The following LRPPRC variants were observed in gnomAD, a reference collection of about 807,000 sequenced individuals.
The protein encoded by LRPPRC is leucine-rich PPR motif-containing protein, mitochondrial.
A neutral mutation model predicts 180.3 loss-of-function variants in LRPPRC; 120 were observed. The ratio of observed to expected loss-of-function variants is 0.67; its 90% CI spans 0.57 to 0.77. The LOEUF (loss-of-function observed/expected upper bound fraction) is 0.77, where lower values mean the gene tolerates loss of function less well. LRPPRC is among the 30% of genes least tolerant of loss of function. The pLI is 0.00. For missense variants in LRPPRC, 2,012 were observed against 1,657.2 expected (o/e 1.21, Z -3.72); for synonymous variants, 723 against 600.0 (o/e 1.21, Z -3.00).
Position 43,918,449 on chromosome 2 carries a change from T to A in LRPPRC, c.2897-51A>T, listed in dbSNP as rs754891949. 97 of 1,251,246 alleles carry A rather than the reference T, an allele frequency of 7.8e-5. No homozygotes were observed. The Middle Eastern group carries it at 1.7e-3, about 21-fold the overall frequency. 77.5% of individuals were successfully genotyped at this position (1,251,246 alleles called of 1,614,324 possible). A position where few individuals can be genotyped will look rare whatever the true frequency, so the allele number is the denominator to read the frequency against. On this transcript the variant is annotated intron_variant, in intron 27 of 37. Coordinates refer to ENST00000260665, the MANE Select transcript of LRPPRC (RefSeq NM_133259.4). ...TAATCAATAAATATGCTAAACAGAA[T>A]ACACAAAAATATTTAGAACTTTTTC...
intron 12 of LRPPRC, among the ~76,000 whole-genome samples, chr2:43,961,343 GAAGT>G (rs1430040526): frequency 6.6e-6 from 1 of 152,134 alleles, no homozygotes; most frequent in Non-Finnish European, 1.5e-5. Flanking sequence ...AAGGCAAAAA[GAAGT>G]AAGTTTTTAA....
intron 11 of LRPPRC, among the ~76,000 whole-genome samples, chr2:43,964,511 C>T (rs967835088): frequency 2.6e-5 from 4 of 152,130 alleles, no homozygotes; most frequent in Non-Finnish European, 5.9e-5. Context: ...AAAACTCCCC[C>T]TAAAAGTCCC....
chr2:43,959,519 CAT>C (rs1300956514), intron 13 of LRPPRC, among the ~76,000 whole-genome samples: 1 of 152,156 alleles, frequency 6.6e-6, no homozygotes, highest in South Asian at 2.1e-4. Context: ...TTGTAAATGA[CAT>C]ATTTTTCAGA....
chr2:43,947,907 C>G (rs1001063774), intron 18 of LRPPRC, 132 bp from the exon 19 acceptor site: 16 of 697,062 alleles, frequency 2.3e-5, no homozygotes, highest in Non-Finnish European at 3.1e-5. Context: ...TAGACATTCT[C>G]TTCATACTTT....
chr2:43,982,450 T>C lies in LRPPRC; in HGVS notation c.150-16A>G. 3.2e-6 allele frequency: 5 copies of C among 1,571,332 alleles called. No homozygotes were observed. The highest frequency in any genetic ancestry group is 4.4e-6 in the Non-Finnish European group (5 of 1,141,396). Reference sequence around the variant, plus strand: ...CAGTAGTCCTCTAAAAAATGAAACATAATTAATAATAATCAGTTGCTATCT... The same window carrying C: ...CAGTAGTCCTCTAAAAAATGAAACACAATTAATAATAATCAGTTGCTATCT... On this transcript the variant is annotated splice_polypyrimidine_tract_variant and intron_variant, in intron 1 of 37. Transcript: ENST00000260665.
intron 27 of LRPPRC, among the ~76,000 whole-genome samples, chr2:43,918,816 T>TAG (rs1558938505): frequency 2.1e-5 from 3 of 142,614 alleles, no homozygotes; most frequent in African/African-American, 8.2e-5. Flanking sequence ...TATAGATATA[T>TAG]ATATATCTAT....
chr2:43,996,149 G>T (rs889393218), upstream of LRPPRC: 3 of 542,668 alleles, frequency 5.5e-6, no homozygotes, highest in East Asian at 1.0e-4. Context: ...CATAAACGAT[G>T]TTGCTTGATT....
At chr2:43,923,298 G>A (rs182887261) in intron 27 of LRPPRC, among the ~76,000 whole-genome samples, 2 of 151,414 alleles carry the variant, frequency 1.3e-5, no homozygotes, top group East Asian at 3.9e-4. Flanking sequence ...GGGCAACATA[G>A]TGGGACCCCG....
At chr2:43,989,803 G>C (rs910240002) in intron 1 of LRPPRC, among the ~76,000 whole-genome samples, 3 of 152,224 alleles carry the variant, frequency 2.0e-5, no homozygotes, top group African/African-American at 7.2e-5. Flanking sequence ...ATCTGGAGTT[G>C]AATCTCAACT....
intron 36 of LRPPRC, among the ~76,000 whole-genome samples, chr2:43,894,172 C>G (rs1670598351): frequency 6.6e-6 from 1 of 151,986 alleles, no homozygotes; most frequent in Non-Finnish European, 1.5e-5. Flanking sequence ...AAGTGAGTCT[C>G]AAATGTGTAC....
At chr2:43,900,834 G>A (rs1353005407) in intron 32 of LRPPRC, among the ~76,000 whole-genome samples, 1 of 152,110 alleles carries the variant, frequency 6.6e-6, no homozygotes, top group Non-Finnish European at 1.5e-5. Context: ...GGAATCTAGA[G>A]ACAGTGGTAA....
At chr2:43,993,815 C>T (rs1024410953) in intron 1 of LRPPRC, among the ~76,000 whole-genome samples, 2 of 151,264 alleles carry the variant, frequency 1.3e-5, no homozygotes, top group South Asian at 4.2e-4. Context: ...ACAGTGGGAC[C>T]GGCATGTTTT....
chr2:43,988,756 G>T (rs1371747200), intron 1 of LRPPRC, among the ~76,000 whole-genome samples: 1 of 151,954 alleles, frequency 6.6e-6, no homozygotes, highest in African/African-American at 2.4e-5. Context: ...TGTTAGCCAG[G>T]ATGGTCTCGA....
Position 43,982,368 on chromosome 2 carries a change from G to A in LRPPRC, c.216C>T (p.Ser72=), listed in dbSNP as rs770151488. The change falls in exon 2 of 38, where the codon TCC becomes TCT. Residue 72 remains serine (S), a synonymous_variant. Transcript: ENST00000260665. The stretch of plus-strand genomic sequence containing the variant: ...TGGAAATCTTCCTAGAAGAAAAAGT[G>A]GACTCCTCTTGAATATCTTTTTCTT... ...AAKEKDIQEE[S]TFSSRKISNQ... 8 of 1,613,782 alleles carry A rather than the reference G, an allele frequency of 5.0e-6. No homozygotes were observed. In the South Asian group the frequency reaches 7.7e-5, roughly 16 times the overall value.
rs114527071 is a variant in LRPPRC, at chr2:43,926,234, C to T, written c.2737-273G>A. On this transcript the variant is annotated intron_variant, in intron 25 of 37. Coordinates refer to ENST00000260665, the MANE Select transcript of LRPPRC (RefSeq NM_133259.4). ...CTATGCTTAACCTCTGCCTAGAAGACGCCGATAATTTCCAAATGCTGCACT... is the reference window on the plus strand; with the variant it reads ...CTATGCTTAACCTCTGCCTAGAAGATGCCGATAATTTCCAAATGCTGCACT... 8.0e-3 allele frequency among the ~76,000 whole-genome samples: 1,214 copies of T among 152,158 alleles called. 6 individuals carry two copies. The highest frequency in any genetic ancestry group is 0.012 in the Non-Finnish European group (822 of 67,994).
chr2:43,973,863 T>C lies in LRPPRC; in HGVS notation c.1193A>G (p.Lys398Arg), dbSNP rs1227703940. 4 of 1,613,410 alleles carry C rather than the reference T, an allele frequency of 2.5e-6. No homozygotes were observed. The highest frequency in any genetic ancestry group is 1.1e-5 in the South Asian group (1 of 91,070). Residue 398 changes from lysine to arginine, a missense_variant, in exon 10 of 38, where the codon AAG becomes AGG. Physicochemically the swap from Lys to Arg is conservative, Grantham distance 26. Transcript: ENST00000260665. ...AGGAAAGGAGTGCATCTGGACTTCC[T>C]TTAACTTCTTACAGTAGTCTGTTAG... is the stretch of plus-strand genomic sequence containing the variant. ...EKLTDYCKKL[K>R]EVQMHSFPLQ...
intron 14 of LRPPRC, among the ~76,000 whole-genome samples, chr2:43,956,478 C>CGTGTGTGTGTGTGTGTGTGT (rs56919652): frequency 0.012 from 1,740 of 142,504 alleles, 41 homozygotes; most frequent in East Asian, 0.085. Context: ...AAGAAAAAAA[C>CGTGTGTGTGTGTGTGTGTGT]GTGTGTGTGT....
chr2:43,936,562 A>G (rs1672286609), intron 23 of LRPPRC, among the ~76,000 whole-genome samples: 1 of 152,208 alleles, frequency 6.6e-6, no homozygotes, highest in Non-Finnish European at 1.5e-5. Context: ...TACAAATGTT[A>G]CATTGCCCTA....
chr2:43,909,785 T>C (rs1375280506), intron 30 of LRPPRC, among the ~76,000 whole-genome samples: 2 of 152,088 alleles, frequency 1.3e-5, no homozygotes, highest in East Asian at 3.9e-4. Context: ...TACATGTCAA[T>C]TTTATCTCAG....
Sources: gnomAD v4.1 joint callset for allele counts (sites outside exome capture counted in the v4.1 genomes callset) on GRCh38, gnomAD v4.1.1 for gene constraint, MANE v1.5 for transcripts, NCBI Gene and HGNC (gene_info 2026-07-23, HGNC 2026-07-21) for gene names.